The following NMBR variants were observed in gnomAD, a reference collection of about 807,000 sequenced individuals.
NMBR encodes the protein neuromedin B receptor.
A neutral mutation model predicts 20.5 loss-of-function variants in NMBR; 16 were observed. That is an observed-to-expected ratio of 0.78 (90% CI 0.53 to 1.19). The LOEUF (loss-of-function observed/expected upper bound fraction) is 1.19, where lower values mean the gene tolerates loss of function less well. NMBR is among the 50% of genes most tolerant of loss of function. The pLI is 0.00. For missense variants in NMBR, 582 were observed against 499.1 expected, an observed-to-expected ratio of 1.17 and a Z score of -1.58; for synonymous variants, 212 against 196.6, an observed-to-expected ratio of 1.08 and a Z score of -0.65.
Position 142,075,707 on chromosome 6 carries a change from T to C in NMBR, c.1114A>G (p.Met372Val), listed in dbSNP as rs1477211704. ...MTSLKSNAKN[M>V]VTNSVLLNGH... ...TTTAGTAAAACAGAATTGGTCACCA[T>C]GTTCTTAGCATTGCTTTTCAGAGAT... Residue 372 changes from methionine (M) to valine (V), a missense_variant, in exon 4 of 4, where the codon ATG becomes GTG. Met to Val is a conservative substitution (Grantham distance 21). Transcript: ENST00000258042. 8.1e-6 allele frequency: 13 copies of C among 1,613,814 alleles called. No individual in the cohort carries two copies. The highest frequency in any genetic ancestry group is 1.1e-5 in the South Asian group (1 of 91,050).
chr6:142,097,888 G>A (rs957340518), intron 1 of NMBR, among the ~76,000 whole-genome samples: 13 of 151,642 alleles, frequency 8.6e-5, no homozygotes, highest in African/African-American at 2.9e-4. Context: ...TTTTACAGAA[G>A]AAAAAAGTCA....
rs1582854892 is a variant in NMBR at position 142,117,896 on chromosome 6, A to C, written c.-663-28575T>G. On this transcript the variant is annotated intron_variant, in intron 1 of 3. Coordinates refer to ENST00000258042, the MANE Select transcript of NMBR (RefSeq NM_002511.4). ...TTATCATTACATCCAACATTGAAAAATGATAACAAAGTGATGACTTATATA... is the reference window on the plus strand; with the variant it reads ...TTATCATTACATCCAACATTGAAAACTGATAACAAAGTGATGACTTATATA... Among the ~76,000 whole-genome samples, 7 of 152,138 alleles carry C rather than the reference A, an allele frequency of 4.6e-5. No individual in the cohort carries two copies. The East Asian group carries it at 1.4e-3, about 29-fold the overall frequency.
At chr6:142,091,501 A>G (rs1046386417) in intron 1 of NMBR, among the ~76,000 whole-genome samples, 1 of 152,206 alleles carries the variant, frequency 6.6e-6, no homozygotes, top group South Asian at 2.1e-4. Flanking sequence ...CTATAATTAT[A>G]GGCATGAGCC....
At chr6:142,133,092 A>G in intron 1 of NMBR, 1 of 608,842 alleles carries the variant, frequency 1.6e-6, no homozygotes, top group East Asian at 2.8e-5. Context: ...TGATTCTGGC[A>G]GAAGCAAACT....
intron 1 of NMBR, among the ~76,000 whole-genome samples, chr6:142,127,971 T>A (rs1384792019): frequency 6.6e-6 from 1 of 152,048 alleles, no homozygotes; most frequent in African/African-American, 2.4e-5. Flanking sequence ...CTGATTTAAA[T>A]GTTGATATGG....
At chr6:142,114,795 T>G (rs2114592674) in intron 1 of NMBR, among the ~76,000 whole-genome samples, 1 of 152,254 alleles carries the variant, frequency 6.6e-6, no homozygotes, top group South Asian at 2.1e-4. Context: ...GATTAGAGTT[T>G]ATGAGCCAGA....
At chr6:142,105,470 C>A (rs1235916176) in intron 1 of NMBR, among the ~76,000 whole-genome samples, 1 of 152,140 alleles carries the variant, frequency 6.6e-6, no homozygotes, top group Non-Finnish European at 1.5e-5. Flanking sequence ...TCATCTTTAA[C>A]CACACAAGAT....
intron 1 of NMBR, among the ~76,000 whole-genome samples, 66 bp downstream of exon 1, chr6:142,146,978 C>T (rs780147963): frequency 5.3e-5 from 8 of 152,310 alleles, no homozygotes; most frequent in Middle Eastern, 6.8e-3. Flanking sequence ...CTTTTCTATC[C>T]TTCCTTTTGC....
intron 1 of NMBR, among the ~76,000 whole-genome samples, chr6:142,110,504 T>C (rs1372186578): frequency 2.0e-5 from 3 of 151,990 alleles, no homozygotes; most frequent in Non-Finnish European, 4.4e-5. Context: ...TGAAATGGAG[T>C]GCATGAAATT....
At chr6:142,077,389 A>C (rs1237798222) in intron 3 of NMBR, among the ~76,000 whole-genome samples, 1 of 152,174 alleles carries the variant, frequency 6.6e-6, no homozygotes, top group African/African-American at 2.4e-5. Flanking sequence ...ATACTCAAAT[A>C]CCTAATTGAG....
intron 1 of NMBR, among the ~76,000 whole-genome samples, chr6:142,130,750 T>C (rs1283937404): frequency 6.6e-6 from 1 of 152,124 alleles, no homozygotes; most frequent in Non-Finnish European, 1.5e-5. Flanking sequence ...TACTCAAGCA[T>C]AGTCATTTCT....
intron 1 of NMBR, among the ~76,000 whole-genome samples, chr6:142,114,358 A>G (rs1269993762): frequency 6.6e-6 from 1 of 151,864 alleles, no homozygotes; most frequent in African/African-American, 2.4e-5. Flanking sequence ...GTGGTTGGTA[A>G]TCTAATACTT....
intron 1 of NMBR, among the ~76,000 whole-genome samples, chr6:142,095,516 G>T (rs1777432706): frequency 1.3e-5 from 2 of 152,166 alleles, no homozygotes; most frequent in South Asian, 4.1e-4. Flanking sequence ...CTTGATCATG[G>T]TGGATAAGCT....
chr6:142,108,163 T>C (rs527787315), intron 1 of NMBR, among the ~76,000 whole-genome samples: 9 of 152,248 alleles, frequency 5.9e-5, no homozygotes, highest in South Asian at 4.1e-4. Context: ...AGCACAAAAG[T>C]TATTCAAAAA....
intron 1 of NMBR, among the ~76,000 whole-genome samples, chr6:142,124,156 A>G (rs1777993244): frequency 6.6e-6 from 1 of 151,964 alleles, no homozygotes; most frequent in Admixed American, 6.6e-5. Context: ...ATTTATTGAA[A>G]ACAAACCCAC....
At chr6:142,099,686 A>C (rs1046497937) in intron 1 of NMBR, among the ~76,000 whole-genome samples, 1 of 152,178 alleles carries the variant, frequency 6.6e-6, no homozygotes, top group Non-Finnish European at 1.5e-5. Context: ...CCAAGAAAAA[A>C]ATAATTGATC....
At chr6:142,076,193 T>G (rs1776945278) in intron 3 of NMBR, 144 bp from the exon 4 acceptor site, 1 of 620,888 alleles carries the variant, frequency 1.6e-6, no homozygotes, top group African/African-American at 1.9e-5. Flanking sequence ...CTCACCAAAG[T>G]GATGATGGAT....
At chr6:142,125,512 C>CACATATACATGTACATGCAT (rs1211570455) in intron 1 of NMBR, among the ~76,000 whole-genome samples, 5 of 76,866 alleles carry the variant, frequency 6.5e-5, no homozygotes, top group Non-Finnish European at 9.6e-5. Flanking sequence ...CATATACATA[C>CACATATACATGTACATGCAT]ATACACAATT....
chr6:142,133,131 G>T, intron 1 of NMBR: 1 of 658,032 alleles, frequency 1.5e-6, no homozygotes. Flanking sequence ...TTAACCAACA[G>T]GAATGCCAGG....
Sources: allele counts gnomAD v4.1 joint callset (sites outside exome capture counted in the v4.1 genomes callset), GRCh38; gene constraint gnomAD v4.1.1; transcripts MANE v1.5; gene names NCBI Gene and HGNC (gene_info 2026-07-23, HGNC 2026-07-21).